MARK1: variants seen among roughly 807,000 people sequenced by gnomAD.
MARK1 encodes the protein serine/threonine-protein kinase MARK1.
Under a neutral mutation model 96.3 loss-of-function variants are expected in MARK1, and 40 were observed. The observed-to-expected ratio is 0.42, with a 90% confidence interval of 0.32 to 0.54. The LOEUF (loss-of-function observed/expected upper bound fraction) is 0.54. Ranked by LOEUF, MARK1 falls within the 20% of genes least tolerant of loss-of-function variation. The pLI is 0.16. For synonymous variants in MARK1, 317 were observed against 341.2 expected (o/e 0.93, Z 0.78); for missense variants, 719 against 984.6 (o/e 0.73, Z 3.61).
intron 1 of MARK1, among the ~76,000 whole-genome samples, chr1:220,536,300 G>A (rs1660677708): frequency 6.6e-6 from 1 of 151,302 alleles, no homozygotes; most frequent in Admixed American, 6.6e-5. Context: ...CTAATACTAT[G>A]TTAAATAGAA....
chr1:220,592,485 A>C (rs111331425), intron 3 of MARK1, among the ~76,000 whole-genome samples: 7 of 152,088 alleles, frequency 4.6e-5, no homozygotes, highest in African/African-American at 1.7e-4. Flanking sequence ...GCTCAGAAGT[A>C]GATTCCTCCC....
chr1:220,661,223 A>T (rs941997795), intron 17 of MARK1, among the ~76,000 whole-genome samples: 12 of 152,102 alleles, frequency 7.9e-5, no homozygotes, highest in African/African-American at 2.7e-4. Flanking sequence ...GTTGGAATGG[A>T]AGTCATGGGG....
At chr1:220,639,049 G>A (rs1668126686) in intron 13 of MARK1, among the ~76,000 whole-genome samples, 1 of 152,128 alleles carries the variant, frequency 6.6e-6, no homozygotes, top group African/African-American at 2.4e-5. Flanking sequence ...TTTGAGACCA[G>A]CCTGGGCAAC....
rs562589198 is a variant in MARK1 at position 220,625,676 on chromosome 1, C to A, written c.910-5359C>A. ...AAAAGTCATGAGTACTCTTCACTTA[C>A]CATTCCCATACCTTAAACATTACTG... On this transcript the variant is annotated intron_variant, in intron 9 of 17. Coordinates refer to ENST00000366917, the MANE Select transcript of MARK1 (RefSeq NM_018650.5). 65 of 323,442 alleles carry A rather than the reference C, an allele frequency of 2.0e-4. 1 individual carries two copies. Among genetic ancestry groups the A allele is most frequent in the South Asian group, 1.8e-3 (62 of 34,752 alleles). The allele number at this position is 323,442 out of a possible 1,614,324, so 20.0% of individuals were successfully genotyped here. A position where few individuals can be genotyped will look rare whatever the true frequency, so the allele number is the denominator to read the frequency against.
chr1:220,648,834 A>G (rs1286969748), intron 13 of MARK1, among the ~76,000 whole-genome samples: 1 of 152,164 alleles, frequency 6.6e-6, no homozygotes, highest in Non-Finnish European at 1.5e-5. Context: ...ATAATTGCCC[A>G]GGGTGTTTTT....
intron 1 of MARK1, among the ~76,000 whole-genome samples, chr1:220,559,385 G>A (rs1331563890): frequency 2.0e-5 from 3 of 152,218 alleles, no homozygotes; most frequent in African/African-American, 4.8e-5. Flanking sequence ...GAATGATGGA[G>A]GCAAACCTGG....
At chr1:220,636,555 A>G (rs1340691722) in intron 13 of MARK1, among the ~76,000 whole-genome samples, 1 of 152,132 alleles carries the variant, frequency 6.6e-6, no homozygotes, top group Non-Finnish European at 1.5e-5. Flanking sequence ...GGTGTTTTGA[A>G]AGGAAAGGGA....
intron 1 of MARK1, among the ~76,000 whole-genome samples, chr1:220,577,967 T>C (rs1386056232): frequency 6.6e-6 from 1 of 152,104 alleles, no homozygotes; most frequent in African/African-American, 2.4e-5. Flanking sequence ...AAAATTATCA[T>C]AAAATAAAAC....
At chr1:220,640,529 G>A (rs775696004) in intron 13 of MARK1, among the ~76,000 whole-genome samples, 1 of 152,124 alleles carries the variant, frequency 6.6e-6, no homozygotes, top group Non-Finnish European at 1.5e-5. Context: ...CTGTTTTATT[G>A]TTCATCACCC....
intron 1 of MARK1, among the ~76,000 whole-genome samples, chr1:220,555,284 A>C (rs950635364): frequency 6.6e-6 from 1 of 152,212 alleles, no homozygotes; most frequent in Admixed American, 6.5e-5. Context: ...TAATCATCCT[A>C]TCTGTATTAG....
At position 220,559,967 on chromosome 1, in the gene MARK1, T is replaced by C. The variant is rs376451945; in HGVS notation, c.52-19387T>C. Among the ~76,000 whole-genome samples the C allele has an allele frequency of 5.3e-5, 8 of 152,092 alleles. No individual in the cohort carries two copies. The East Asian group carries it at 5.8e-4, about 11-fold the overall frequency. Reference sequence around the variant, plus strand: ...ACTGCTGATAAAGACATACCCAAGATTGGGTGATTTATAAGGAGAAAGAGG... The same window carrying C: ...ACTGCTGATAAAGACATACCCAAGACTGGGTGATTTATAAGGAGAAAGAGG... On this transcript the variant is annotated intron_variant, in intron 1 of 17. Transcript: ENST00000366917.
In MARK1 at chr1:220,619,916, G is replaced by A. The variant is rs184384074; in HGVS notation, c.909+1161G>A. On this transcript the variant is annotated intron_variant, in intron 9 of 17. Transcript: ENST00000366917. ...ATATAAACTGTACTTTTTTAGTGTA[G>A]CAATGGGGCTTTCTGGCATGGACTT... is the stretch of plus-strand genomic sequence containing the variant. Among the ~76,000 whole-genome samples, 8 of 152,284 alleles carry A rather than the reference G, an allele frequency of 5.3e-5. No homozygotes were observed. In the East Asian group the frequency reaches 1.5e-3, roughly 29 times the overall value.
chr1:220,574,321 T>C, intron 1 of MARK1, among the ~76,000 whole-genome samples: 1 of 152,244 alleles, frequency 6.6e-6, no homozygotes, highest in Non-Finnish European at 1.5e-5. Flanking sequence ...TTCTAATGTG[T>C]TCCTTAGAGG....
chr1:220,660,276 AG>A (rs1427115068), intron 17 of MARK1, among the ~76,000 whole-genome samples: 1 of 152,200 alleles, frequency 6.6e-6, no homozygotes, highest in East Asian at 1.9e-4. Context: ...AGAGAAAAAT[AG>A]AGAACACGAT....
intron 9 of MARK1, chr1:220,626,977 C>A: frequency 1.9e-6 from 1 of 518,724 alleles, no homozygotes. Flanking sequence ...ATACAGAGAT[C>A]CCTAATGAGC....
intron 1 of MARK1, among the ~76,000 whole-genome samples, chr1:220,544,736 T>G (rs1178173842): frequency 6.6e-6 from 1 of 152,204 alleles, no homozygotes; most frequent in Non-Finnish European, 1.5e-5. Flanking sequence ...GGTAAACAAA[T>G]TAGAAGCTGA....
At chr1:220,632,817 G>A (rs570715303) in intron 11 of MARK1, among the ~76,000 whole-genome samples, 1 of 152,334 alleles carries the variant, frequency 6.6e-6, no homozygotes, top group East Asian at 1.9e-4. Flanking sequence ...CTATAATAAG[G>A]AGATGGATTC....
intron 2 of MARK1, among the ~76,000 whole-genome samples, chr1:220,580,273 C>T (rs955673205): frequency 6.6e-6 from 1 of 151,888 alleles, no homozygotes; most frequent in Non-Finnish European, 1.5e-5. Flanking sequence ...TGCTTGAGGC[C>T]AGGAGTTCAA....
At chr1:220,590,083 T>G (rs1209583044) in intron 3 of MARK1, among the ~76,000 whole-genome samples, 3 of 152,232 alleles carry the variant, frequency 2.0e-5, no homozygotes, top group Non-Finnish European at 4.4e-5. Context: ...TCCCTCTCCC[T>G]GCTTCCTTTT....
Sources: gnomAD v4.1 joint callset for allele counts (sites outside exome capture counted in the v4.1 genomes callset) on GRCh38, gnomAD v4.1.1 for gene constraint, MANE v1.5 for transcripts, NCBI Gene and HGNC (gene_info 2026-07-23, HGNC 2026-07-21) for gene names.